Variants in CCBE1 observed in about 807,000 individuals in gnomAD.
The protein encoded by CCBE1 is collagen and calcium binding EGF domains 1.
Under a neutral mutation model 50.0 loss-of-function variants are expected in CCBE1, and 37 were observed. The observed-to-expected ratio is 0.74, with a 90% CI of 0.57 to 0.97. The LOEUF (loss-of-function observed/expected upper bound fraction) is 0.97, where lower values mean the gene tolerates loss of function less well. CCBE1 is among the 50% of genes least tolerant of loss of function. The pLI is 0.00. For missense variants in CCBE1, 538 were observed against 523.8 expected (o/e 1.03, Z -0.26); for synonymous variants, 234 against 203.7 (o/e 1.15, Z -1.27).
At chr18:59,450,079 TGGGA>T (rs745624393) in intron 6 of CCBE1, among the ~76,000 whole-genome samples, 36 of 152,234 alleles carry the variant, frequency 2.4e-4, no homozygotes, top group Non-Finnish European at 4.1e-4. Flanking sequence ...GCCAGGAGTT[TGGGA>T]GGAAGGTTGT....
chr18:59,485,963 T>C (rs1912806500), intron 2 of CCBE1, among the ~76,000 whole-genome samples: 1 of 151,914 alleles, frequency 6.6e-6, no homozygotes, highest in Admixed American at 6.6e-5. Flanking sequence ...GAGTTCTTGG[T>C]GTTAAGGTAA....
chr18:59,674,737 T>A (rs2054476921), intron 2 of CCBE1, among the ~76,000 whole-genome samples: 1 of 152,226 alleles, frequency 6.6e-6, no homozygotes, highest in Non-Finnish European at 1.5e-5. Context: ...AAGCACAATC[T>A]CTTCTGCTAT....
intron 2 of CCBE1, among the ~76,000 whole-genome samples, chr18:59,580,244 C>G (rs1382423809): frequency 6.6e-6 from 1 of 152,198 alleles, no homozygotes; most frequent in Non-Finnish European, 1.5e-5. Flanking sequence ...AGATGCTAAT[C>G]AGAAACTCAA....
At chr18:59,488,440 G>T (rs949682111) in intron 2 of CCBE1, among the ~76,000 whole-genome samples, 1 of 152,154 alleles carries the variant, frequency 6.6e-6, no homozygotes, top group African/African-American at 2.4e-5. Flanking sequence ...CCTGGTCATG[G>T]TATCATCTGG....
chr18:59,562,203 A>G (rs77045516), intron 2 of CCBE1, among the ~76,000 whole-genome samples: 28 of 96,740 alleles, frequency 2.9e-4, no homozygotes, highest in African/African-American at 1.2e-3. Flanking sequence ...TCTTTCATGC[A>G]TGTGTGTATA....
chr18:59,481,541 T>G (rs1912570695), intron 2 of CCBE1, among the ~76,000 whole-genome samples: 1 of 152,184 alleles, frequency 6.6e-6, no homozygotes, highest in African/African-American at 2.4e-5. Context: ...GTCACGCTGC[T>G]GAAACCTAAA....
At chr18:59,485,540 G>A (rs1050951425) in intron 2 of CCBE1, among the ~76,000 whole-genome samples, 2 of 151,300 alleles carry the variant, frequency 1.3e-5, no homozygotes, top group African/African-American at 4.9e-5. Flanking sequence ...ATTTATTTGG[G>A]GTTTTCCTTG....
rs202217599 is a variant in CCBE1, at chr18:59,518,192, T to TA, written c.213-37955dup. Among the ~76,000 whole-genome samples the TA allele has an allele frequency of 3.5e-3, 538 of 152,252 alleles. 11 individuals carry two copies. The highest frequency in any genetic ancestry group is 0.011 in the African/African-American group (474 of 41,538). ...CACATTTTGATGTTAAAGTAATGAT[T>TA]AAGAGAACAAAGCTGGCTGGGCACA... On this transcript the variant is annotated intron_variant, in intron 2 of 10. Coordinates refer to ENST00000439986, the MANE Select transcript of CCBE1 (RefSeq NM_133459.4).
chr18:59,494,230 A>G (rs1168314031), intron 2 of CCBE1, among the ~76,000 whole-genome samples: 1 of 152,182 alleles, frequency 6.6e-6, no homozygotes, highest in Non-Finnish European at 1.5e-5. Flanking sequence ...CCCTAGAAAG[A>G]TATACATAAG....
intron 4 of CCBE1, 47 bp from the exon 5 acceptor site, chr18:59,466,938 T>G (rs1261402621): frequency 6.6e-7 from 1 of 1,519,792 alleles, no homozygotes; most frequent in Non-Finnish European, 9.1e-7. Flanking sequence ...GAGAATTCAC[T>G]TCTAATACAA....
At chr18:59,559,298 C>T (rs79075249) in intron 2 of CCBE1, among the ~76,000 whole-genome samples, 2,234 of 152,292 alleles carry the variant, frequency 0.015, 21 homozygotes, top group Non-Finnish European at 0.023. Context: ...CCCTGCAGGA[C>T]GCAGCACAGG....
chr18:59,586,869 G>C (rs2053185882), intron 2 of CCBE1, among the ~76,000 whole-genome samples: 1 of 152,156 alleles, frequency 6.6e-6, no homozygotes, highest in South Asian at 2.1e-4. Context: ...GATGCAACCT[G>C]ATAAAGCATT....
Position 59,578,024 on chromosome 18 carries a change from A to G in CCBE1, c.213-97786T>C, listed in dbSNP as rs145418502. Reference sequence around the variant, plus strand: ...GAAAGTATCATCAGAGTGAAGAGGCAACCTACAGAATGGGAGAAAAGTTTT... The same window carrying G: ...GAAAGTATCATCAGAGTGAAGAGGCGACCTACAGAATGGGAGAAAAGTTTT... On this transcript the variant is annotated intron_variant, in intron 2 of 10. Coordinates refer to ENST00000439986, the MANE Select transcript of CCBE1 (RefSeq NM_133459.4). Among the ~76,000 whole-genome samples the G allele has an allele frequency of 2.0e-3, 299 of 152,358 alleles. 4 individuals are homozygous for G. In the East Asian group the frequency reaches 0.03, roughly 15 times the overall value.
In CCBE1 at chr18:59,435,362, T is replaced by C. The variant is rs977195637; in HGVS notation, c.*546A>G. The C allele has an allele frequency of 1.3e-5, 2 of 159,998 alleles. No homozygotes were observed. Among genetic ancestry groups the C allele is most frequent in the African/African-American group, 4.8e-5 (2 of 41,482 alleles). The allele number at this position is 159,998 out of a possible 1,614,324, so 9.9% of individuals were successfully genotyped here. A position where few individuals can be genotyped will look rare whatever the true frequency, so the allele number is the denominator to read the frequency against. ...AACAAGGTTTGACAAAGGGATACAA[T>C]ATTTAAAGTCTACTAGAAGCACAAG... is the stretch of plus-strand genomic sequence containing the variant. On this transcript the variant is annotated 3_prime_UTR_variant, in exon 11 of 11. Coordinates refer to ENST00000439986, the MANE Select transcript of CCBE1 (RefSeq NM_133459.4).
At chr18:59,656,889 G>C (rs2054197996) in intron 2 of CCBE1, among the ~76,000 whole-genome samples, 1 of 152,122 alleles carries the variant, frequency 6.6e-6, no homozygotes, top group Non-Finnish European at 1.5e-5. Context: ...ATTGTAATCT[G>C]CCATTAGCTA....
At chr18:59,693,818 T>C (rs894716983) in intron 2 of CCBE1, among the ~76,000 whole-genome samples, 1 of 152,006 alleles carries the variant, frequency 6.6e-6, no homozygotes, top group Admixed American at 6.6e-5. Context: ...AAAATTGTTT[T>C]ATTAGTGTTT....
intron 2 of CCBE1, among the ~76,000 whole-genome samples, chr18:59,538,310 C>G (rs1274959016): frequency 6.6e-6 from 1 of 152,186 alleles, no homozygotes; most frequent in African/African-American, 2.4e-5. Flanking sequence ...CATTTGTTTC[C>G]TCTTAATTTC....
At chr18:59,481,293 GAAAAAAAGACTT>G (rs1912558438) in intron 2 of CCBE1, among the ~76,000 whole-genome samples, 1 of 151,142 alleles carries the variant, frequency 6.6e-6, no homozygotes, top group Admixed American at 6.6e-5. Flanking sequence ...GAAGGAAAGA[GAAAAAAAGACTT>G]AAAAAAAGGA....
At chr18:59,545,098 G>C (rs1915628452) in intron 2 of CCBE1, among the ~76,000 whole-genome samples, 1 of 152,294 alleles carries the variant, frequency 6.6e-6, no homozygotes, top group South Asian at 2.1e-4. Flanking sequence ...TAGAAAATAA[G>C]CTGAAGAGAG....
Sources: gnomAD v4.1 joint callset for allele counts (sites outside exome capture counted in the v4.1 genomes callset) on GRCh38, gnomAD v4.1.1 for gene constraint, MANE v1.5 for transcripts, NCBI Gene and HGNC (gene_info 2026-07-23, HGNC 2026-07-21) for gene names.